The following CEP295 variants were observed in gnomAD, a reference collection of about 807,000 sequenced individuals.
CEP295 encodes the protein centrosomal protein 295.
A neutral mutation model predicts 291.6 loss-of-function variants in CEP295; 190 were observed. The ratio of observed to expected loss-of-function variants is 0.65; its 90% CI spans 0.58 to 0.73. The LOEUF (loss-of-function observed/expected upper bound fraction) is 0.73, where lower values mean the gene tolerates loss of function less well. Ranked by LOEUF, CEP295 falls within the 30% of genes least tolerant of loss-of-function variation. The pLI is 0.00. For missense variants in CEP295, 2,863 were observed against 2,949.4 expected, an observed-to-expected ratio of 0.97 and a Z score of 0.68; for synonymous variants, 993 against 1,038.8, an observed-to-expected ratio of 0.96 and a Z score of 0.85.
In CEP295 at chr11:93,721,374, C is replaced by T; in HGVS notation, c.5812C>T (p.His1938Tyr). ...GTTAAGTTATGCTGTGGAGGAAGAA[C>T]ATGCATATTTGGGTCCAACTGTGAA... ...AVLSYAVEEE[H>Y]AYLGPTVKPD... The change falls in exon 19 of 30, where the codon CAT (histidine) becomes TAT (tyrosine). Residue 1938 changes from histidine (H) to tyrosine (Y), a missense_variant. This residue lies in a region of CEP295 where 2,295 missense variants were observed against 2,335.7 expected (regional missense o/e 0.98). Transcript: ENST00000325212. 3 of 1,576,838 alleles carry T rather than the reference C, an allele frequency of 1.9e-6. No homozygotes were observed. The highest frequency in any genetic ancestry group is 2.6e-6 in the Non-Finnish European group (3 of 1,158,728).
intron 10 of CEP295, among the ~76,000 whole-genome samples, chr11:93,690,971 A>G (rs1051346553): frequency 6.6e-6 from 1 of 152,166 alleles, no homozygotes; most frequent in African/African-American, 2.4e-5. Flanking sequence ...TTACCTTTCA[A>G]GTGTCTGCTT....
chr11:93,663,806 C>T (rs1950095454), intron 1 of CEP295, among the ~76,000 whole-genome samples: 1 of 151,892 alleles, frequency 6.6e-6, no homozygotes, highest in South Asian at 2.1e-4. Context: ...TAATGGATAC[C>T]TAAAATTTGA....
chr11:93,699,010 T>A lies in CEP295; in HGVS notation c.4098T>A (p.Ile1366=). 6.5e-7 allele frequency: 1 copy of A among 1,548,438 alleles called. No homozygotes were observed. The highest frequency in any genetic ancestry group is 1.2e-5 in the South Asian group (1 of 84,060). Residue 1366 remains isoleucine, a synonymous_variant, in exon 15 of 30, where the codon ATT becomes ATA. Transcript: ENST00000325212. ...TAGCTACACAGAGAGAAGCCATCAT[T>A]CTAGCTAGACAAGAAGCTCGGGAAG... is the stretch of plus-strand genomic sequence containing the variant. ...EQLATQREAI[I]LARQEAREEL...
At position 93,700,177 on chromosome 11, in the gene CEP295, A is replaced by G. The variant is rs1431094703; in HGVS notation, c.5265A>G (p.Lys1755=). Residue 1755 remains lysine, a synonymous_variant, in exon 15 of 30, where the codon AAA becomes AAG. Coordinates refer to ENST00000325212, the MANE Select transcript of CEP295 (RefSeq NM_033395.2). ...KHEETLKDFF[K]DSQISKPTVE... ...AAGAGACTTTGAAGGATTTCTTTAA[A>G]GACAGTCAGGTATGTTTTAAACCTG... The G allele has an allele frequency of 1.3e-6, 2 of 1,546,874 alleles. No individual in the cohort carries two copies. The highest frequency in any genetic ancestry group is 1.7e-6 in the Non-Finnish European group (2 of 1,145,572).
rs189113781 is a variant in CEP295, at chr11:93,714,827, A to G, written c.5750-6485A>G. On this transcript the variant is annotated intron_variant, in intron 18 of 29. Coordinates refer to ENST00000325212, the MANE Select transcript of CEP295 (RefSeq NM_033395.2). ...TCTTTACCTTCCTGTCTCCCAAACA[A>G]ATAGAGTCAGTCAGCCTCTCTCTCT... Among the ~76,000 whole-genome samples, 4 of 151,476 alleles carry G rather than the reference A, an allele frequency of 2.6e-5. No homozygotes were observed. In the East Asian group the frequency reaches 7.9e-4, roughly 30 times the overall value.
Position 93,668,874 on chromosome 11 carries a change from A to G in CEP295, c.376A>G (p.Lys126Glu). The change falls in exon 4 of 30, where the codon AAA (lysine) becomes GAA (glutamate). Residue 126 changes from lysine to glutamate, a missense_variant. Around this residue, in one of 3 missense-constraint regions of CEP295, gnomAD observed 554 missense variants for 576.0 expected, o/e 0.96. Coordinates refer to ENST00000325212, the MANE Select transcript of CEP295 (RefSeq NM_033395.2). Reference sequence around the variant, plus strand: ...GAAAAGAAAAGCAGATTTGAGGCATAAAGAAGCCTTGAAAGTACAGAAAAA... The same window carrying G: ...GAAAAGAAAAGCAGATTTGAGGCATGAAGAAGCCTTGAAAGTACAGAAAAA... ...ERKRKADLRH[K>E]EALKVQKNQK... 1 of 1,459,102 alleles carries G rather than the reference A, an allele frequency of 6.9e-7. No individual in the cohort carries two copies. Among genetic ancestry groups the G allele is most frequent in the Non-Finnish European group, 9.3e-7 (1 of 1,071,704 alleles). The allele number at this position is 1,459,102 out of a possible 1,614,324, so 90.4% of individuals were successfully genotyped here.
Position 93,713,341 on chromosome 11 carries a change from T to A in CEP295, c.5749+6444T>A, listed in dbSNP as rs1047197815. Among the ~76,000 whole-genome samples the A allele has an allele frequency of 7.2e-5, 11 of 152,330 alleles. No individual in the cohort carries two copies. In the South Asian group the frequency reaches 1.2e-3, roughly 17 times the overall value. On this transcript the variant is annotated intron_variant, in intron 18 of 29. Coordinates refer to ENST00000325212, the MANE Select transcript of CEP295 (RefSeq NM_033395.2). ...TTTTATTGCTTACTAATGTTTTCTT[T>A]CCAATTGAAGAACTCCCTTGATTAT... is the stretch of plus-strand genomic sequence containing the variant.
chr11:93,662,906 G>A (rs1950051075), intron 1 of CEP295, among the ~76,000 whole-genome samples: 1 of 152,200 alleles, frequency 6.6e-6, no homozygotes, highest in Non-Finnish European at 1.5e-5. Context: ...TGATAACAAT[G>A]CACTGAAAAG....
chr11:93,699,996 T>G lies in CEP295; in HGVS notation c.5084T>G (p.Leu1695Trp). ...PVIPGFQDRL[L>W]SFSQSVLTQQ... is the part of the protein sequence containing the mutation. ...ATCCCAGGGTTTCAAGATAGACTTT[T>G]GAGTTTTTCACAGTCTGTCTTAACT... is the stretch of plus-strand genomic sequence containing the variant. The change falls in exon 15 of 30, where the codon TTG becomes TGG. Residue 1695 changes from leucine (L) to tryptophan (W), a missense_variant. Transcript: ENST00000325212. 9 of 1,551,764 alleles carry G rather than the reference T, an allele frequency of 5.8e-6. No homozygotes were observed. Among genetic ancestry groups the G allele is most frequent in the Non-Finnish European group, 7.8e-6 (9 of 1,146,994 alleles).
intron 10 of CEP295, among the ~76,000 whole-genome samples, chr11:93,689,906 A>G (rs1951432251): frequency 6.6e-6 from 1 of 152,216 alleles, no homozygotes; most frequent in Non-Finnish European, 1.5e-5. Context: ...TGATATTTAA[A>G]GCCATGGGCA....
At chr11:93,681,344 C>A (rs1046059437) in intron 7 of CEP295, among the ~76,000 whole-genome samples, 1 of 147,714 alleles carries the variant, frequency 6.8e-6, no homozygotes, top group African/African-American at 2.5e-5. Flanking sequence ...TCTAGCAATT[C>A]TCCTGCCTCA....
chr11:93,695,449 C>T (rs563823838), intron 12 of CEP295, 48 bp from the exon 13 acceptor site: 6 of 1,255,800 alleles, frequency 4.8e-6, no homozygotes, highest in Middle Eastern at 5.1e-4. Context: ...TTATCTTTGC[C>T]TTTGTATGAG....
chr11:93,666,572 T>TGACA lies in CEP295; in HGVS notation c.-26-107_-26-104dup, dbSNP rs1308948631. 13 of 525,842 alleles carry TGACA rather than the reference T, an allele frequency of 2.5e-5. No individual in the cohort carries two copies. The East Asian group carries it at 3.8e-4, about 15-fold the overall frequency. The allele number at this position is 525,842 out of a possible 1,614,324, so 32.6% of individuals were successfully genotyped here. On this transcript the variant is annotated intron_variant, in intron 1 of 29. Coordinates refer to ENST00000325212, the MANE Select transcript of CEP295 (RefSeq NM_033395.2). ...TCGCACCACTGCCCTCCAGCCTGGG[T>TGACA]GACAGAGCAAGACTCTGTCTCAAAA...
intron 12 of CEP295, among the ~76,000 whole-genome samples, chr11:93,692,291 A>T (rs1951601193): frequency 6.6e-6 from 1 of 152,204 alleles, no homozygotes; most frequent in Non-Finnish European, 1.5e-5. Context: ...AAAAGCAGAG[A>T]CTATCTTCTT....
In CEP295 at chr11:93,700,974, A is replaced by G. The variant is rs188792593; in HGVS notation, c.5274+788A>G. On this transcript the variant is annotated intron_variant, in intron 15 of 29. Coordinates refer to ENST00000325212, the MANE Select transcript of CEP295 (RefSeq NM_033395.2). ...GAGCTGGACCTGCTGCTTTTATCTG[A>G]ATTGTTCATAAGACTCGGCCCAGTG... Among the ~76,000 whole-genome samples the G allele has an allele frequency of 4.9e-3, 739 of 152,056 alleles. 14 individuals carry two copies. The highest frequency in any genetic ancestry group is 0.017 in the African/African-American group (692 of 41,414).
rs1396602727 is a variant in CEP295, at chr11:93,666,720, G to A, written c.13G>A (p.Val5Ile). The change falls in exon 2 of 30, where the codon GTC (valine) becomes ATC (isoleucine). Residue 5 changes from valine to isoleucine, a missense_variant. Val to Ile is a conservative substitution (Grantham distance 29). Coordinates refer to ENST00000325212, the MANE Select transcript of CEP295 (RefSeq NM_033395.2). MKRKVVNTHKLRLSP... is the reference protein window; with the variant it reads MKRKIVNTHKLRLSP... ...AAAGTACACAGAAATGAAGAGAAAA[G>A]TCGTGAATACTCACAAGCTGAGATT... is the stretch of plus-strand genomic sequence containing the variant. 6.5e-7 allele frequency: 1 copy of A among 1,532,182 alleles called. No individual in the cohort carries two copies. The highest frequency in any genetic ancestry group is 8.8e-7 in the Non-Finnish European group (1 of 1,132,184). 94.9% of individuals were successfully genotyped at this position (1,532,182 alleles called of 1,614,324 possible). A position where few individuals can be genotyped will look rare whatever the true frequency, so the allele number is the denominator to read the frequency against.
At chr11:93,703,323 A>G (rs967025722) in intron 17 of CEP295, among the ~76,000 whole-genome samples, 1 of 146,544 alleles carries the variant, frequency 6.8e-6, no homozygotes, top group African/African-American at 2.5e-5. Context: ...AAGGAGATGG[A>G]AAAAAAAAAA....
Position 93,669,684 on chromosome 11 carries a change from A to C in CEP295, c.442A>C (p.Lys148Gln). 6.5e-7 allele frequency: 1 copy of C among 1,549,252 alleles called. No homozygotes were observed. The highest frequency in any genetic ancestry group is 8.7e-7 in the Non-Finnish European group (1 of 1,145,010). Residue 148 changes from lysine to glutamine, a missense_variant, in exon 5 of 30, where the codon AAA becomes CAA. Physicochemically the swap from Lys to Gln is moderately conservative, Grantham distance 53. Coordinates refer to ENST00000325212, the MANE Select transcript of CEP295 (RefSeq NM_033395.2). ...ILLKQKTWHIKARKEALLVEK... is the reference protein window; with the variant it reads ...ILLKQKTWHIQARKEALLVEK... ...CATCTCTTGTTTCTTAAGGCATATAAAAGCTCGAAAGGAAGCACTGCTTGT... is the reference window on the plus strand; with the variant it reads ...CATCTCTTGTTTCTTAAGGCATATACAAGCTCGAAAGGAAGCACTGCTTGT...
intron 15 of CEP295, among the ~76,000 whole-genome samples, chr11:93,700,656 C>T (rs1301161321): frequency 6.6e-6 from 1 of 151,360 alleles, no homozygotes; most frequent in Non-Finnish European, 1.5e-5. Context: ...TTACAAAGTG[C>T]GGGGATTACA....
Sources: gnomAD v4.1 joint callset for allele counts (sites outside exome capture counted in the v4.1 genomes callset) on GRCh38, gnomAD v4.1.1 for gene constraint, gnomAD v4.1.1 regional missense constraint, MANE v1.5 for transcripts, NCBI Gene and HGNC (gene_info 2026-07-23, HGNC 2026-07-21) for gene names.